The following TEX48 variants were observed in gnomAD, a reference collection of about 807,000 sequenced individuals.
TEX48 encodes the protein testis-expressed protein 48.
A neutral mutation model predicts 13.2 loss-of-function variants in TEX48; 10 were observed. The ratio of observed to expected loss-of-function variants is 0.75; its 90% CI spans 0.47 to 1.28. TEX48 has a LOEUF of 1.28. TEX48 is among the 50% of genes most tolerant of loss of function. The pLI, the probability that TEX48 is intolerant of heterozygous loss-of-function variation, is 0.00. For synonymous variants in TEX48, 45 were observed against 52.3 expected (o/e 0.86, Z 0.60); for missense variants, 116 against 139.4 (o/e 0.83, Z 0.84).
chr9:114,675,099 A>G (rs1828038137), intron 1 of TEX48, among the ~76,000 whole-genome samples: 2 of 152,200 alleles, frequency 1.3e-5, no homozygotes, highest in African/African-American at 2.4e-5. Flanking sequence ...CTCAGTGTCT[A>G]GAGCAGTACC....
At position 114,682,191 on chromosome 9, in the gene TEX48, C is replaced by A; in HGVS notation, c.-261G>T. 6.6e-6 allele frequency: 1 copy of A among 152,358 alleles called. No homozygotes were observed. The allele number at this position is 152,358 out of a possible 1,614,324, so 9.4% of individuals were successfully genotyped here. A position where few individuals can be genotyped will look rare whatever the true frequency, so the allele number is the denominator to read the frequency against. ...GCCATGCTGGCCACCAGACTGTATA[C>A]TGGGGCACAAGTCCTGGGGCCTCAG... is the stretch of plus-strand genomic sequence containing the variant. On this transcript the variant is annotated 5_prime_UTR_variant, in exon 1 of 5. Transcript: ENST00000436752.
At chr9:114,668,593 T>C (rs1444227556) in intron 3 of TEX48, among the ~76,000 whole-genome samples, 1 of 152,360 alleles carries the variant, frequency 6.6e-6, no homozygotes, top group African/African-American at 2.4e-5. Flanking sequence ...TTTTGTTACA[T>C]GCATAGAATG....
chr9:114,681,217 C>A (rs1828193612), intron 1 of TEX48, among the ~76,000 whole-genome samples: 1 of 151,938 alleles, frequency 6.6e-6, no homozygotes. Flanking sequence ...CAGCAGCGAT[C>A]TGAAGCGCAG....
At chr9:114,674,559 T>C (rs1828015744) in intron 1 of TEX48, among the ~76,000 whole-genome samples, 1 of 143,892 alleles carries the variant, frequency 6.9e-6, no homozygotes, top group Non-Finnish European at 1.5e-5. Flanking sequence ...TCTCTTTTTC[T>C]TCTTTTTTTC....
chr9:114,670,548 T>A (rs1827929106), intron 3 of TEX48, among the ~76,000 whole-genome samples: 1 of 151,952 alleles, frequency 6.6e-6, no homozygotes, highest in Non-Finnish European at 1.5e-5. Context: ...CTCTGCTTGA[T>A]CTCTTTTCAT....
chr9:114,678,243 C>A (rs1828113142), intron 1 of TEX48, among the ~76,000 whole-genome samples: 1 of 152,108 alleles, frequency 6.6e-6, no homozygotes, highest in Non-Finnish European at 1.5e-5. Context: ...CTCTCTCCAC[C>A]CAACTTGATC....
In TEX48 at chr9:114,671,786, C is replaced by A; in HGVS notation, c.-63G>T. 6.5e-7 allele frequency: 1 copy of A among 1,529,454 alleles called. No homozygotes were observed. The highest frequency in any genetic ancestry group is 1.2e-5 in the South Asian group (1 of 83,910). 94.7% of individuals were successfully genotyped at this position (1,529,454 alleles called of 1,614,324 possible). ...TGCAGGGGTGCCTTGTTGAATCAGC[C>A]AGTCTTGAGTTTGAGCCCAGTTCAC... On this transcript the variant is annotated 5_prime_UTR_variant, in exon 2 of 5. Coordinates refer to ENST00000436752, the MANE Select transcript of TEX48 (RefSeq NM_001199233.2).
intron 1 of TEX48, among the ~76,000 whole-genome samples, chr9:114,677,175 A>T (rs1417144936): frequency 6.6e-6 from 1 of 152,056 alleles, no homozygotes; most frequent in Non-Finnish European, 1.5e-5. Flanking sequence ...GGGGGCACTC[A>T]CTAGGTCCAT....
chr9:114,680,120 C>T (rs1324749031), intron 1 of TEX48, among the ~76,000 whole-genome samples: 1 of 52,126 alleles, frequency 1.9e-5, no homozygotes, highest in African/African-American at 8.1e-5. Flanking sequence ...TGTCATTGTC[C>T]CTTTTTTTTT....
At chr9:114,670,053 C>T (rs1827916672) in intron 3 of TEX48, among the ~76,000 whole-genome samples, 1 of 152,206 alleles carries the variant, frequency 6.6e-6, no homozygotes, top group Admixed American at 6.5e-5. Context: ...GCTTAACCCC[C>T]ACCTGCCTCT....
intron 3 of TEX48, among the ~76,000 whole-genome samples, chr9:114,669,543 G>T (rs1267220850): frequency 6.6e-6 from 1 of 152,054 alleles, no homozygotes; most frequent in East Asian, 1.9e-4. Flanking sequence ...TCGGGTTCAA[G>T]CGATTCTCCT....
intron 1 of TEX48, among the ~76,000 whole-genome samples, chr9:114,678,265 C>T (rs559338999): frequency 5.3e-5 from 8 of 152,252 alleles, no homozygotes; most frequent in East Asian, 1.9e-4. Context: ...TTACTACCCA[C>T]GTATACTCCT....
intron 1 of TEX48, among the ~76,000 whole-genome samples, chr9:114,672,797 T>C (rs1337752821): frequency 1.3e-5 from 2 of 152,160 alleles, no homozygotes; most frequent in African/African-American, 4.8e-5. Context: ...GATGGAGCGA[T>C]ATAATATGGA....
chr9:114,671,610 A>G, intron 2 of TEX48, 105 bp from the exon 3 acceptor site: 29 of 1,525,896 alleles, frequency 1.9e-5, no homozygotes, highest in East Asian at 4.9e-5. Flanking sequence ...GCCTCTCCCA[A>G]GGCATTAATA....
intron 1 of TEX48, among the ~76,000 whole-genome samples, chr9:114,680,290 G>A (rs1272496659): frequency 6.6e-6 from 1 of 151,938 alleles, no homozygotes; most frequent in Non-Finnish European, 1.5e-5. Flanking sequence ...ACCACGCATG[G>A]CTAATTTTAG....
rs567763482 is a variant in TEX48, at chr9:114,674,819, C to T, written c.-104-2992G>A. On this transcript the variant is annotated intron_variant, in intron 1 of 4. Transcript: ENST00000436752. ...TCCTGAGTAGCTGGGACTACAGGTG[C>T]ATGCCACCATGTCCAGCAAATTCTT... Among the ~76,000 whole-genome samples, 14 of 149,942 alleles carry T rather than the reference C, an allele frequency of 9.3e-5. No homozygotes were observed. The South Asian group carries it at 2.5e-3, about 27-fold the overall frequency.
In TEX48 at chr9:114,668,264, C is replaced by T. The variant is rs772022288; in HGVS notation, c.201G>A (p.Ser67=). Residue 67 remains serine, a synonymous_variant, in exon 4 of 5, where the codon TCG becomes TCA. Coordinates refer to ENST00000436752, the MANE Select transcript of TEX48 (RefSeq NM_001199233.2). The part of the protein sequence containing the change: ...KRINAVSHLP[S]RTPLIQTKKS... The stretch of plus-strand genomic sequence containing the variant: ...TTTTTGTCTGGATCAGGGGTGTTCT[C>T]GAAGGCAAATGGGAGACTGCGTTAA... The T allele has an allele frequency of 5.2e-6, 8 of 1,535,500 alleles. No homozygotes were observed. Among genetic ancestry groups the T allele is most frequent in the African/African-American group, 4.1e-5 (3 of 73,018 alleles).
rs577295025 is a variant in TEX48, at chr9:114,675,213, C to T, written c.-104-3386G>A. On this transcript the variant is annotated intron_variant, in intron 1 of 4. Coordinates refer to ENST00000436752, the MANE Select transcript of TEX48 (RefSeq NM_001199233.2). ...TGTCTTGAGTAAAAGCACTTGCAGG[C>T]CCTGGGGGCAGTAGAGAGGTGGGTG... Among the ~76,000 whole-genome samples, 49 of 152,212 alleles carry T rather than the reference C, an allele frequency of 3.2e-4. 1 individual carries two copies. Among genetic ancestry groups the T allele is most frequent in the African/African-American group, 1.1e-3 (47 of 41,540 alleles).
intron 1 of TEX48, among the ~76,000 whole-genome samples, chr9:114,672,627 C>G (rs1819616699): frequency 6.6e-6 from 1 of 152,226 alleles, no homozygotes; most frequent in Non-Finnish European, 1.5e-5. Context: ...ACCATCATCT[C>G]TTGCCTGAAT....
Sources: allele counts gnomAD v4.1 joint callset (sites outside exome capture counted in the v4.1 genomes callset), GRCh38; gene constraint gnomAD v4.1.1; transcripts MANE v1.5; gene names NCBI Gene and HGNC (gene_info 2026-07-23, HGNC 2026-07-21).